Variants in CRAMP1 observed in about 807,000 individuals in gnomAD.
CRAMP1 encodes cramped chromatin regulator 1, also known as protein cramped-like.
In CRAMP1, 50 loss-of-function variants were observed where a neutral mutation model predicts 115.4. That is an observed-to-expected ratio of 0.43 (90% CI 0.35 to 0.55). CRAMP1 has a LOEUF of 0.55. Among genes scored for constraint, CRAMP1 ranks in the 20% least tolerant of loss-of-function variants. The pLI is 0.01. For missense variants in CRAMP1, 1,679 were observed against 1,721.7 expected (o/e 0.98, Z 0.44); for synonymous variants, 866 against 745.4 (o/e 1.16, Z -2.64).
chr16:1,629,111 C>G (rs2036528898), intron 3 of CRAMP1, among the ~76,000 whole-genome samples: 1 of 152,242 alleles, frequency 6.6e-6, no homozygotes, highest in Non-Finnish European at 1.5e-5. Context: ...TATATCCGTC[C>G]ATCATCCATG....
At chr16:1,638,538 A>G (rs766574726) in intron 5 of CRAMP1, among the ~76,000 whole-genome samples, 15 of 152,246 alleles carry the variant, frequency 9.9e-5, no homozygotes, top group Non-Finnish European at 1.8e-4. Context: ...CCCTTGAGAC[A>G]TTTTTGACAC....
chr16:1,615,976 A>T (rs2036415498), intron 2 of CRAMP1, among the ~76,000 whole-genome samples: 1 of 152,162 alleles, frequency 6.6e-6, no homozygotes, highest in African/African-American at 2.4e-5. Flanking sequence ...TGCTTTGGAG[A>T]TCTGTGCCAC....
chr16:1,644,051 G>A (rs969439243), intron 6 of CRAMP1, among the ~76,000 whole-genome samples: 2 of 152,224 alleles, frequency 1.3e-5, no homozygotes, highest in East Asian at 3.8e-4. Flanking sequence ...GTGAGCTCAG[G>A]TGTGGGCGCT....
chr16:1,640,685 C>G (rs1032817861), intron 5 of CRAMP1, among the ~76,000 whole-genome samples: 14 of 152,184 alleles, frequency 9.2e-5, no homozygotes, highest in Non-Finnish European at 1.6e-4. Flanking sequence ...CCCTGGGTGC[C>G]TTGGGGGTTC....
chr16:1,663,198 G>A (rs2036847542), intron 13 of CRAMP1, among the ~76,000 whole-genome samples: 1 of 152,228 alleles, frequency 6.6e-6, no homozygotes, highest in African/African-American at 2.4e-5. Context: ...CCTCTCATGA[G>A]CTCCCCAGGA....
intron 6 of CRAMP1, among the ~76,000 whole-genome samples, chr16:1,648,557 A>T (rs980467828): frequency 2.0e-5 from 3 of 150,820 alleles, no homozygotes; most frequent in Non-Finnish European, 2.9e-5. Context: ...GTGAGCCGAG[A>T]TTGCACCGCT....
rs1468954295 is a variant in CRAMP1, at chr16:1,646,967, C to T, written c.828-5529C>T. ...ATCAGTTGACTGTACCGTGTGGTTCCATTCTGGACCTTCTGTTCTGTCAAC... is the reference window on the plus strand; with the variant it reads ...ATCAGTTGACTGTACCGTGTGGTTCTATTCTGGACCTTCTGTTCTGTCAAC... On this transcript the variant is annotated intron_variant, in intron 6 of 20. Coordinates refer to ENST00000397412, the MANE Select transcript of CRAMP1 (RefSeq NM_020825.4). 5.7e-6 allele frequency: 4 copies of T among 698,556 alleles called. No homozygotes were observed. The Admixed American group carries it at 6.1e-5, about 11-fold the overall frequency. 43.3% of individuals were successfully genotyped at this position (698,556 alleles called of 1,614,324 possible).
chr16:1,622,430 T>C (rs2036472996), intron 2 of CRAMP1, among the ~76,000 whole-genome samples: 1 of 152,196 alleles, frequency 6.6e-6, no homozygotes, highest in Non-Finnish European at 1.5e-5. Context: ...CGGAATTGAC[T>C]GCCTGGGAGG....
In CRAMP1 at chr16:1,668,851, C is replaced by T. The variant is rs184500774; in HGVS notation, c.3335-150C>T. ...CCTGCAGAGCTGTTCTGCGGTGCTGCGCTCCTTACCTGCCGAGCCATGCCA... is the reference window on the plus strand; with the variant it reads ...CCTGCAGAGCTGTTCTGCGGTGCTGTGCTCCTTACCTGCCGAGCCATGCCA... On this transcript the variant is annotated intron_variant, in intron 18 of 20. Transcript: ENST00000397412. The T allele has an allele frequency of 2.2e-4, 163 of 726,982 alleles. No homozygotes were observed. The African/African-American group carries it at 2.5e-3, about 11-fold the overall frequency. The allele number at this position is 726,982 out of a possible 1,614,324, so 45.0% of individuals were successfully genotyped here.
chr16:1,612,941 G>A (rs1360126105), intron 1 of CRAMP1, among the ~76,000 whole-genome samples: 2 of 152,092 alleles, frequency 1.3e-5, no homozygotes, highest in African/African-American at 2.4e-5. Context: ...GGTAAAGTCT[G>A]GACGGCGTCG....
At chr16:1,638,675 T>TC (rs962590988) in intron 5 of CRAMP1, among the ~76,000 whole-genome samples, 5 of 151,898 alleles carry the variant, frequency 3.3e-5, no homozygotes, top group East Asian at 1.9e-4. Flanking sequence ...CTGTAGGGGA[T>TC]CCCCCCCTCT....
At chr16:1,665,457 G>A (rs1013333180) in intron 14 of CRAMP1, among the ~76,000 whole-genome samples, 11 of 152,122 alleles carry the variant, frequency 7.2e-5, no homozygotes, top group Non-Finnish European at 1.5e-4. Context: ...GCCGTTTTAT[G>A]GGATGGATGT....
intron 20 of CRAMP1, 40 bp from the exon 21 acceptor site, chr16:1,673,841 G>C: frequency 6.2e-7 from 1 of 1,607,154 alleles, no homozygotes; most frequent in Non-Finnish European, 8.5e-7. Context: ...AGGGCCAGCA[G>C]GTCGCGGTGA....
chr16:1,670,809 G>A lies in CRAMP1; in HGVS notation c.3645G>A (p.Glu1215=). The change falls in exon 20 of 21, where the codon GAG becomes GAA. Residue 1215 remains glutamate (E), a splice_region_variant and synonymous_variant. Coordinates refer to ENST00000397412, the MANE Select transcript of CRAMP1 (RefSeq NM_020825.4). ...FVSRSLADVA[E]VVDSQLVCMM... ...CCAGGTCCCTGGCTGACGTTGCAGAGGTGAGTGCATTGACCTCACAGCTGC... is the reference window on the plus strand; with the variant it reads ...CCAGGTCCCTGGCTGACGTTGCAGAAGTGAGTGCATTGACCTCACAGCTGC... 1 of 1,613,836 alleles carries A rather than the reference G, an allele frequency of 6.2e-7. No homozygotes were observed. Among genetic ancestry groups the A allele is most frequent in the Non-Finnish European group, 8.5e-7 (1 of 1,179,810 alleles).
At chr16:1,612,702 G>C (rs1295889270) in intron 1 of CRAMP1, among the ~76,000 whole-genome samples, 45 bp downstream of exon 1, 1 of 152,052 alleles carries the variant, frequency 6.6e-6, no homozygotes. Context: ...AGGCCCGGCC[G>C]GGGGGTCCTG....
Position 1,656,179 on chromosome 16 carries a change from G to A in CRAMP1, c.1422G>A (p.Gly474=), listed in dbSNP as rs767159775. ...GCGGAGCTGAGGGCAAGGGTGTGGG[G>A]CGGCCCCCTCCTGCGGCTGACGCCT... The part of the protein sequence containing the change: ...PRSGAEGKGV[G]RPPPAADALQ... The change falls in exon 10 of 21, where the codon GGG becomes GGA. Residue 474 remains glycine (G), a synonymous_variant. Transcript: ENST00000397412. This position sits in a 1 kb window ranked among gnomAD's most constrained non-coding sequence, Gnocchi z 5.6. 2 of 1,603,330 alleles carry A rather than the reference G, an allele frequency of 1.2e-6. No homozygotes were observed. The highest frequency in any genetic ancestry group is 2.2e-5 in the South Asian group (2 of 90,650).
chr16:1,638,347 A>G (rs898668332), intron 5 of CRAMP1, among the ~76,000 whole-genome samples: 6 of 152,194 alleles, frequency 3.9e-5, no homozygotes, highest in South Asian at 4.1e-4. Context: ...ACATCCCAAA[A>G]TATCAGTCAG....
At chr16:1,658,914 G>A (rs906591596) in intron 10 of CRAMP1, among the ~76,000 whole-genome samples, 2 of 152,164 alleles carry the variant, frequency 1.3e-5, no homozygotes, top group Non-Finnish European at 2.9e-5. Flanking sequence ...AGAAGGAAGA[G>A]AGCCGAGAGG....
intron 8 of CRAMP1, 96 bp from the exon 9 acceptor site, chr16:1,655,123 T>G: frequency 9.0e-7 from 1 of 1,106,136 alleles, no homozygotes. Flanking sequence ...CCTTGTCTCT[T>G]TTGGCACCCT....
Sources: gnomAD v4.1 joint callset for allele counts (sites outside exome capture counted in the v4.1 genomes callset) on GRCh38, gnomAD v4.1.1 for gene constraint, Gnocchi (gnomAD v3.1) non-coding constraint, MANE v1.5 for transcripts, NCBI Gene and HGNC (gene_info 2026-07-23, HGNC 2026-07-21) for gene names.